Variants in CERS3 observed in about 807,000 individuals in gnomAD.
The protein encoded by CERS3 is LAG1 homolog, ceramide synthase 3.
CERS3 carries 33 observed loss-of-function variants against 50.3 expected under a neutral mutation model. The observed-to-expected ratio is 0.66, with a 90% CI of 0.50 to 0.88. The LOEUF (loss-of-function observed/expected upper bound fraction) is 0.88, where lower values mean the gene tolerates loss of function less well. Ranked by LOEUF, CERS3 falls within the 40% of genes least tolerant of loss-of-function variation. The pLI is 0.00. For synonymous variants in CERS3, 176 were observed against 155.2 expected, an observed-to-expected ratio of 1.13 and a Z score of -0.99; for missense variants, 470 against 460.3, an observed-to-expected ratio of 1.02 and a Z score of -0.19.
chr15:100,482,264 C>A (rs775905009), intron 5 of CERS3, among the ~76,000 whole-genome samples: 2 of 151,870 alleles, frequency 1.3e-5, no homozygotes, highest in Non-Finnish European at 2.9e-5. Context: ...GGAGAGAAAA[C>A]CCACTGAAAA....
chr15:100,434,280 C>G lies in CERS3; in HGVS notation c.999+21613G>C, dbSNP rs536889269. Among the ~76,000 whole-genome samples, 457 of 152,300 alleles carry G rather than the reference C, an allele frequency of 3.0e-3. 2 individuals are homozygous for G. Among genetic ancestry groups the G allele is most frequent in the African/African-American group, 0.01 (436 of 41,570 alleles). On this transcript the variant is annotated intron_variant, in intron 11 of 11. Transcript: ENST00000679737. ...TGGATCCACGCGAAGAGTGCGTGCC[C>G]AGGACTGCTTTGCTCAGGACTTCCT...
chr15:100,452,168 A>G (rs988078058), intron 11 of CERS3, among the ~76,000 whole-genome samples: 16 of 151,552 alleles, frequency 1.1e-4, no homozygotes, highest in African/African-American at 3.4e-4. Flanking sequence ...TGGCTATAGA[A>G]TACACATTCT....
chr15:100,507,062 T>C (rs1218810317), intron 2 of CERS3, among the ~76,000 whole-genome samples: 1 of 152,192 alleles, frequency 6.6e-6, no homozygotes, highest in African/African-American at 2.4e-5. Flanking sequence ...CTGCCTGTTC[T>C]TCATTTATGG....
At chr15:100,530,757 C>T (rs1355796022), upstream of CERS3, among the ~76,000 whole-genome samples, 2 of 152,188 alleles carry the variant, frequency 1.3e-5, no homozygotes, top group African/African-American at 4.8e-5. Flanking sequence ...ATTTTGGACT[C>T]TCTTACTCAG....
intron 2 of CERS3, among the ~76,000 whole-genome samples, chr15:100,520,034 C>T (rs1480278868): frequency 6.6e-6 from 1 of 152,176 alleles, no homozygotes; most frequent in East Asian, 1.9e-4. Context: ...CCTTTCCAGA[C>T]TTGCTAGGTG....
intron 1 of CERS3, among the ~76,000 whole-genome samples, chr15:100,538,943 T>C (rs2037137161): frequency 6.6e-6 from 1 of 152,238 alleles, no homozygotes; most frequent in Non-Finnish European, 1.5e-5. Flanking sequence ...TAAAACTGAA[T>C]GCCTTTAAGA....
chr15:100,489,878 T>C (rs1242399907), intron 4 of CERS3, among the ~76,000 whole-genome samples: 1 of 152,162 alleles, frequency 6.6e-6, no homozygotes, highest in Non-Finnish European at 1.5e-5. Flanking sequence ...GGACACCATA[T>C]CTCACGCGAG....
intron 7 of CERS3, among the ~76,000 whole-genome samples, chr15:100,476,969 G>T (rs1331197671): frequency 6.6e-6 from 1 of 152,158 alleles, no homozygotes; most frequent in Non-Finnish European, 1.5e-5. Context: ...ACAAAGAAGA[G>T]AATCAAGGTG....
chr15:100,410,732 C>T (rs970130551), intron 11 of CERS3, among the ~76,000 whole-genome samples: 1 of 152,198 alleles, frequency 6.6e-6, no homozygotes, highest in African/African-American at 2.4e-5. Context: ...ACACAGAATA[C>T]CATTACCAAG....
At chr15:100,542,868 T>C (rs2037234654) in intron 1 of CERS3, among the ~76,000 whole-genome samples, 1 of 152,192 alleles carries the variant, frequency 6.6e-6, no homozygotes, top group Non-Finnish European at 1.5e-5. Flanking sequence ...TACTTATCTA[T>C]GCTATCTGTT....
At chr15:100,495,292 C>G (rs1484054939) in intron 3 of CERS3, among the ~76,000 whole-genome samples, 1 of 152,184 alleles carries the variant, frequency 6.6e-6, no homozygotes, top group Non-Finnish European at 1.5e-5. Flanking sequence ...GGGAACAGGG[C>G]AAGTTAAAAA....
chr15:100,483,787 A>ATTATTTTTTTTTTTTTTTTTT (rs760594142), intron 5 of CERS3, among the ~76,000 whole-genome samples: 1 of 100,040 alleles, frequency 1.0e-5, no homozygotes, highest in Non-Finnish European at 1.9e-5. Context: ...TATTATTATT[A>ATTATTTTTTTTTTTTTTTTTT]TTTTTTTTTT....
At chr15:100,502,251 G>GAAAAA (rs58654483) in intron 2 of CERS3, among the ~76,000 whole-genome samples, 9 of 113,696 alleles carry the variant, frequency 7.9e-5, no homozygotes, top group African/African-American at 1.3e-4. Flanking sequence ...CTCAAAAAAA[G>GAAAAA]AAAAAAAAAA....
intron 9 of CERS3, among the ~76,000 whole-genome samples, chr15:100,471,548 G>A (rs542907983): frequency 1.1e-4 from 17 of 152,194 alleles, no homozygotes; most frequent in East Asian, 3.9e-4. Flanking sequence ...CAACAGAGTC[G>A]TATAAAATTC....
intron 10 of CERS3, among the ~76,000 whole-genome samples, chr15:100,464,390 G>C (rs748534108): frequency 9.9e-5 from 15 of 152,094 alleles, no homozygotes; most frequent in Non-Finnish European, 1.8e-4. Context: ...TGTACTGTTC[G>C]TAACACCCAG....
chr15:100,417,168 T>A (rs1191139500), intron 11 of CERS3, among the ~76,000 whole-genome samples: 1 of 151,686 alleles, frequency 6.6e-6, no homozygotes, highest in Admixed American at 6.6e-5. Context: ...CCATCTGAGG[T>A]ACCAGGTTCA....
At chr15:100,543,789 C>G (rs1017907943) in intron 1 of CERS3, among the ~76,000 whole-genome samples, 1 of 152,170 alleles carries the variant, frequency 6.6e-6, no homozygotes, top group African/African-American at 2.4e-5. Flanking sequence ...CTTGGCCTCT[C>G]AAAGTGCTGG....
rs2033882974 is a variant in CERS3 at position 100,445,198 on chromosome 15, C to T, written c.999+10695G>A. On this transcript the variant is annotated intron_variant, in intron 11 of 11. Coordinates refer to ENST00000679737, the MANE Select transcript of CERS3 (RefSeq NM_001378789.1). ...TATTAGGCCCCAGTCTCATTCCAGACACCAGACCAACTTGGACTGTGCCCC... is the reference window on the plus strand; with the variant it reads ...TATTAGGCCCCAGTCTCATTCCAGATACCAGACCAACTTGGACTGTGCCCC... 2.7e-5 allele frequency among the ~76,000 whole-genome samples: 4 copies of T among 148,550 alleles called. No individual in the cohort carries two copies. In the Admixed American group the frequency reaches 2.7e-4, roughly 10 times the overall value.
rs964034378 is a variant in CERS3 at position 100,479,322 on chromosome 15, C to T, written c.516+106G>A. On this transcript the variant is annotated intron_variant, in intron 7 of 11. Transcript: ENST00000679737. ...CAAGTAGAAAAAGTGCCAGGGATGA[C>T]ACAGTAGTGAACAAAGAGTAGCAGG... The T allele has an allele frequency of 3.4e-5, 27 of 785,896 alleles. 1 individual carries two copies. In the African/African-American group the frequency reaches 4.2e-4, roughly 12 times the overall value. The allele number at this position is 785,896 out of a possible 1,614,324, so 48.7% of individuals were successfully genotyped here. A position where few individuals can be genotyped will look rare whatever the true frequency, so the allele number is the denominator to read the frequency against.
Sources: gnomAD v4.1 joint callset for allele counts (sites outside exome capture counted in the v4.1 genomes callset) on GRCh38, gnomAD v4.1.1 for gene constraint, MANE v1.5 for transcripts, NCBI Gene and HGNC (gene_info 2026-07-23, HGNC 2026-07-21) for gene names.